The following MAPK10 variants were observed in gnomAD, a reference collection of about 807,000 sequenced individuals.
MAPK10 encodes JNK3 alpha protein kinase.
MAPK10 carries 25 observed loss-of-function variants against 59.3 expected under a neutral mutation model. The ratio of observed to expected loss-of-function variants is 0.42; its 90% CI spans 0.31 to 0.59. MAPK10 has a LOEUF of 0.59. Ranked by LOEUF, MAPK10 falls within the 20% of genes least tolerant of loss-of-function variation. MAPK10 has a pLI of 0.15. For synonymous variants in MAPK10, 190 were observed against 200.5 expected (o/e 0.95, Z 0.44); for missense variants, 351 against 568.9 (o/e 0.62, Z 3.90).
chr4:86,244,081 G>T (rs2092924501), intron 2 of MAPK10, among the ~76,000 whole-genome samples: 1 of 152,162 alleles, frequency 6.6e-6, no homozygotes, highest in Non-Finnish European at 1.5e-5. Context: ...TAGAAGCATT[G>T]TTTCAAGAGT....
Position 86,101,915 on chromosome 4 carries a change from A to G in MAPK10, c.543T>C (p.His181=). The G allele has an allele frequency of 6.2e-7, 1 of 1,614,070 alleles. No individual in the cohort carries two copies. Among genetic ancestry groups the G allele is most frequent in the Non-Finnish European group, 8.5e-7 (1 of 1,179,930 alleles). Reference sequence around the variant, plus strand: ...TTACCCTGTGAATAATTCCAGCAGAATGGAGGTGCTTAATGCCACACAACA... The same window carrying G: ...TTACCCTGTGAATAATTCCAGCAGAGTGGAGGTGCTTAATGCCACACAACA... ...YQMLCGIKHL[H]SAGIIHRDLK... The change falls in exon 7 of 14, where the codon CAT becomes CAC. Residue 181 remains histidine, a synonymous_variant. Transcript: ENST00000641462.
At chr4:86,308,680 T>G (rs1681949047) in intron 2 of MAPK10, 1 of 152,204 alleles carries the variant, frequency 6.6e-6, no homozygotes, top group Admixed American at 6.5e-5. Flanking sequence ...CGTCGGGCTT[T>G]TAGCTTAGTT....
chr4:86,299,612 G>GT lies in MAPK10; in HGVS notation c.-7+54917dup, dbSNP rs112322671. On this transcript the variant is annotated intron_variant, in intron 2 of 13. Coordinates refer to ENST00000641462, the MANE Select transcript of MAPK10 (RefSeq NM_138982.4). ...TGTATAAGCTACCCAGTCTATGGTA[G>GT]TTTTTTATAGAGGCCTAGACATACT... Among the ~76,000 whole-genome samples, 967 of 152,238 alleles carry GT rather than the reference G, an allele frequency of 6.4e-3. 15 individuals are homozygous for GT. The highest frequency in any genetic ancestry group is 0.022 in the African/African-American group (914 of 41,538).
At chr4:86,203,865 T>G (rs940746959) in intron 2 of MAPK10, among the ~76,000 whole-genome samples, 1 of 151,678 alleles carries the variant, frequency 6.6e-6, no homozygotes, top group African/African-American at 2.4e-5. Flanking sequence ...GAAAATAGAA[T>G]TAAATTTAAT....
At chr4:86,137,360 A>G (rs2062467516) in intron 4 of MAPK10, among the ~76,000 whole-genome samples, 1 of 146,692 alleles carries the variant, frequency 6.8e-6, no homozygotes, top group African/African-American at 2.6e-5. Context: ...CAATCAAACT[A>G]GAACTCAGGA....
At chr4:86,360,886 A>G (rs1302327839), upstream of MAPK10, among the ~76,000 whole-genome samples, 1 of 152,226 alleles carries the variant, frequency 6.6e-6, no homozygotes, top group Non-Finnish European at 1.5e-5. Context: ...TAGGTTTACC[A>G]AATTTGTTTT....
At chr4:86,359,246 T>A (rs1735990417) in intron 1 of MAPK10, among the ~76,000 whole-genome samples, 1 of 144,950 alleles carries the variant, frequency 6.9e-6, no homozygotes, top group Non-Finnish European at 1.5e-5. Flanking sequence ...AGCACAGCTG[T>A]TTGGTGTTTT....
At chr4:86,510,219 C>G (rs1404066670) in intron 1 of MAPK10, among the ~76,000 whole-genome samples, 3 of 151,884 alleles carry the variant, frequency 2.0e-5, no homozygotes, top group Non-Finnish European at 2.9e-5. Flanking sequence ...CTCAATCAAT[C>G]CTCCCACCTC....
intron 1 of MAPK10, among the ~76,000 whole-genome samples, chr4:86,504,194 G>C (rs1049847056): frequency 6.6e-6 from 1 of 152,038 alleles, no homozygotes; most frequent in Non-Finnish European, 1.5e-5. Flanking sequence ...GAGGGTCTTA[G>C]TTTCTTTTAC....
exon 1 of MAPK10, chr4:86,453,068 G>A (rs1207146340): frequency 5.9e-5 from 9 of 152,270 alleles, no homozygotes; most frequent in Non-Finnish European, 1.3e-4. Flanking sequence ...GTGAAATACA[G>A]GGGTAGAGGA....
At chr4:86,157,088 T>C (rs1450473901) in intron 4 of MAPK10, among the ~76,000 whole-genome samples, 1 of 152,068 alleles carries the variant, frequency 6.6e-6, no homozygotes, top group Non-Finnish European at 1.5e-5. Flanking sequence ...TATAGTATAG[T>C]AATAACTTCT....
At chr4:86,560,305 T>C (rs1183741918) in intron 1 of MAPK10, among the ~76,000 whole-genome samples, 1 of 152,230 alleles carries the variant, frequency 6.6e-6, no homozygotes, top group Non-Finnish European at 1.5e-5. Flanking sequence ...TTTTCAGTAT[T>C]TTCCAAAGTC....
At chr4:86,551,495 G>T (rs1010150828) in intron 1 of MAPK10, among the ~76,000 whole-genome samples, 1 of 152,050 alleles carries the variant, frequency 6.6e-6, no homozygotes, top group South Asian at 2.1e-4. Flanking sequence ...AATAACATGA[G>T]TTTACTTCCT....
chr4:86,126,309 T>A (rs750957740), intron 4 of MAPK10, among the ~76,000 whole-genome samples: 77 of 152,238 alleles, frequency 5.1e-4, no homozygotes, highest in Non-Finnish European at 8.7e-4. Flanking sequence ...CTGACATTTA[T>A]AAATTGTATT....
chr4:86,590,562 T>C (rs1444423227), intron 1 of MAPK10, among the ~76,000 whole-genome samples: 1 of 152,046 alleles, frequency 6.6e-6, no homozygotes, highest in East Asian at 1.9e-4. Flanking sequence ...GGAGGGAGGA[T>C]TGCTTGAGCC....
Position 86,017,895 on chromosome 4 carries a change from G to A in MAPK10, c.1253-525C>T, listed in dbSNP as rs1477497623. On this transcript the variant is annotated intron_variant, in intron 13 of 13. Coordinates refer to ENST00000641462, the MANE Select transcript of MAPK10 (RefSeq NM_138982.4). The surrounding 1 kb of genome is among the most constrained non-coding windows in gnomAD (Gnocchi z 4.4). ...GCACCACCACACCCAGCTAATTTTT[G>A]TACTTTTAGTAGAGATGAGGTTTCA... 1.3e-5 allele frequency among the ~76,000 whole-genome samples: 2 copies of A among 152,036 alleles called. No individual in the cohort carries two copies.
At chr4:86,454,377 G>A (rs1297677146), upstream of MAPK10, among the ~76,000 whole-genome samples, 1 of 152,142 alleles carries the variant, frequency 6.6e-6, no homozygotes, top group Non-Finnish European at 1.5e-5. Flanking sequence ...GATACAAAAA[G>A]TGAAGGGAGA....
At chr4:86,516,437 A>C (rs1756669300) in intron 1 of MAPK10, among the ~76,000 whole-genome samples, 1 of 152,068 alleles carries the variant, frequency 6.6e-6, no homozygotes, top group South Asian at 2.1e-4. Flanking sequence ...ATGGTATTTG[A>C]TGGCAATTGC....
In MAPK10 at chr4:86,145,361, CAA is replaced by C. The variant is rs1166418131; in HGVS notation, c.236+13935_236+13936del. ...TGGGCTACAGAGCGAGACACCGTCT[CAA>C]AAAAAAAAAAAAAAAAAAAAAATTT... is the stretch of plus-strand genomic sequence containing the variant. On this transcript the variant is annotated intron_variant, in intron 4 of 13. Transcript: ENST00000641462. 2.6e-3 allele frequency among the ~76,000 whole-genome samples: 144 copies of C among 55,306 alleles called. 4 individuals carry two copies. Among genetic ancestry groups the C allele is most frequent in the African/African-American group, 8.2e-3 (130 of 15,792 alleles). 36.3% of individuals were successfully genotyped at this position (55,306 alleles called of 152,430 possible).
Sources: gnomAD v4.1 joint callset for allele counts (sites outside exome capture counted in the v4.1 genomes callset) on GRCh38, gnomAD v4.1.1 for gene constraint, Gnocchi (gnomAD v3.1) non-coding constraint, MANE v1.5 for transcripts, NCBI Gene and HGNC (gene_info 2026-07-23, HGNC 2026-07-21) for gene names.